The following HPSE2 variants were observed in gnomAD, a reference collection of about 807,000 sequenced individuals.
HPSE2 encodes the protein heparanase 2 (inactive), also known as inactive heparanase-2.
Under a neutral mutation model 60.5 loss-of-function variants are expected in HPSE2, and 38 were observed. That is an observed-to-expected ratio of 0.63 (90% CI 0.48 to 0.82). The LOEUF is 0.82. Ranked by LOEUF, HPSE2 falls within the 40% of genes least tolerant of loss-of-function variation. HPSE2 has a pLI of 0.00. For synonymous variants in HPSE2, 295 were observed against 293.2 expected (o/e 1.01, Z -0.06); for missense variants, 713 against 740.4 (o/e 0.96, Z 0.43).
At chr10:99,264,031 T>G in the HPSE2 span, among the ~76,000 whole-genome samples, 2 of 152,086 alleles carry the variant, frequency 1.3e-5, no homozygotes, top group South Asian at 2.1e-4. Flanking sequence ...CCCAGCTATC[T>G]CAACCACGCT....
the HPSE2 span, among the ~76,000 whole-genome samples, chr10:99,265,247 A>G: frequency 1.3e-5 from 2 of 152,170 alleles, no homozygotes; most frequent in African/African-American, 2.4e-5. Flanking sequence ...ACCCAAACCT[A>G]TAAGAACTAA....
rs78656847 is a variant in HPSE2, at chr10:98,555,453, T to C, written c.1320+59451A>G. Among the ~76,000 whole-genome samples, 1,168 of 152,316 alleles carry C rather than the reference T, an allele frequency of 7.7e-3. 8 individuals carry two copies. The highest frequency in any genetic ancestry group is 0.014 in the Non-Finnish European group (933 of 68,024). ...ATGTTTGCACACTCGGCTTGTCCTG[T>C]GGACTTGTCTAACTAAGCTCCCCTT... is the stretch of plus-strand genomic sequence containing the variant. On this transcript the variant is annotated intron_variant, in intron 9 of 11. Coordinates refer to ENST00000370552, the MANE Select transcript of HPSE2 (RefSeq NM_021828.5).
intron 3 of HPSE2, among the ~76,000 whole-genome samples, chr10:98,777,563 A>C (rs1286549730): frequency 6.6e-6 from 1 of 152,174 alleles, no homozygotes; most frequent in Non-Finnish European, 1.5e-5. Flanking sequence ...TAAACACATT[A>C]CCCTTTTAAA....
chr10:98,623,051 C>CT lies in HPSE2; in HGVS notation c.1099-2344dup, dbSNP rs372889980. 6.7e-3 allele frequency among the ~76,000 whole-genome samples: 1,013 copies of CT among 151,080 alleles called. 5 individuals carry two copies. The highest frequency in any genetic ancestry group is 0.012 in the African/African-American group (489 of 41,194). Reference sequence around the variant, plus strand: ...AGCAGAGTAATATATTTGTGTTTTTCTTTTTTTTTGTCTTTGGCTTACAGG... The same window carrying CT: ...AGCAGAGTAATATATTTGTGTTTTTCTTTTTTTTTTGTCTTTGGCTTACAGG... On this transcript the variant is annotated intron_variant, in intron 7 of 11. Transcript: ENST00000370552.
Position 99,002,724 on chromosome 10 carries a change from TTTGG to T in HPSE2, c.610+141510_610+141513del, listed in dbSNP as rs200258814. On this transcript the variant is annotated intron_variant, in intron 3 of 11. Coordinates refer to ENST00000370552, the MANE Select transcript of HPSE2 (RefSeq NM_021828.5). Reference sequence around the variant, plus strand: ...AGGTAAATATCTATAAAATATGGGCTTTGGTTAATTTTTTCAGATCAAAAAGTAT... The same window carrying T: ...AGGTAAATATCTATAAAATATGGGCTTTAATTTTTTCAGATCAAAAAGTAT... 1.4e-4 allele frequency among the ~76,000 whole-genome samples: 22 copies of T among 152,170 alleles called. No individual in the cohort carries two copies. In the East Asian group the frequency reaches 4.0e-3, roughly 28 times the overall value.
chr10:98,484,340 C>A (rs1289195448), intron 10 of HPSE2, among the ~76,000 whole-genome samples: 3 of 152,194 alleles, frequency 2.0e-5, no homozygotes, highest in Non-Finnish European at 4.4e-5. Flanking sequence ...TGCGTTCAGG[C>A]AATTCTCCTG....
chr10:98,682,013 G>A (rs1448368753), intron 6 of HPSE2, among the ~76,000 whole-genome samples: 3 of 152,116 alleles, frequency 2.0e-5, no homozygotes, highest in African/African-American at 2.4e-5. Flanking sequence ...TAATCTACCT[G>A]ACATAGTTTG....
intron 9 of HPSE2, among the ~76,000 whole-genome samples, chr10:98,588,409 CT>C (rs1460542723): frequency 6.6e-6 from 1 of 152,094 alleles, no homozygotes; most frequent in Non-Finnish European, 1.5e-5. Flanking sequence ...TGCGGGGAGA[CT>C]TTACCAACCT....
At chr10:99,044,193 G>A (rs1004379210) in intron 3 of HPSE2, among the ~76,000 whole-genome samples, 4 of 152,158 alleles carry the variant, frequency 2.6e-5, no homozygotes, top group African/African-American at 7.2e-5. Flanking sequence ...GAAATCAGGG[G>A]ACCTCTGTTT....
intron 9 of HPSE2, among the ~76,000 whole-genome samples, chr10:98,497,507 CATT>C (rs1228153238): frequency 3.3e-5 from 5 of 152,046 alleles, no homozygotes; most frequent in Non-Finnish European, 1.5e-5. Flanking sequence ...ACAGCATTTT[CATT>C]ATTATCATTT....
At chr10:98,717,766 T>G (rs530835261) in intron 5 of HPSE2, among the ~76,000 whole-genome samples, 1 of 152,206 alleles carries the variant, frequency 6.6e-6, no homozygotes, top group African/African-American at 2.4e-5. Context: ...ACGTGAAATG[T>G]TGCAAGAATT....
chr10:99,010,856 CTT>C (rs960810113), intron 3 of HPSE2, among the ~76,000 whole-genome samples: 1 of 151,174 alleles, frequency 6.6e-6, no homozygotes, highest in Non-Finnish European at 1.5e-5. Context: ...AATCATCAGT[CTT>C]TTTTTTTAAC....
chr10:99,229,174 A>G (rs1277847414), intron 2 of HPSE2, among the ~76,000 whole-genome samples: 2 of 127,126 alleles, frequency 1.6e-5, no homozygotes, highest in African/African-American at 6.6e-5. Context: ...CTCCATATCG[A>G]AAAAAAAAAA....
At chr10:99,089,396 G>T (rs1170696822) in intron 3 of HPSE2, among the ~76,000 whole-genome samples, 11 of 152,150 alleles carry the variant, frequency 7.2e-5, no homozygotes, top group Non-Finnish European at 1.2e-4. Context: ...CATGTGGCTT[G>T]CCAGTTATCA....
intron 2 of HPSE2, among the ~76,000 whole-genome samples, chr10:99,153,260 G>C (rs1268457378): frequency 6.6e-6 from 1 of 152,138 alleles, no homozygotes; most frequent in South Asian, 2.1e-4. Flanking sequence ...ACAGCTCAAG[G>C]AGACCTGCCT....
At chr10:99,053,338 G>T (rs1958032999) in intron 3 of HPSE2, among the ~76,000 whole-genome samples, 1 of 150,808 alleles carries the variant, frequency 6.6e-6, no homozygotes, top group Admixed American at 6.7e-5. Context: ...GACCCATATT[G>T]TAATCTCTAG....
At chr10:99,131,789 T>C (rs1845395859) in intron 3 of HPSE2, among the ~76,000 whole-genome samples, 1 of 152,042 alleles carries the variant, frequency 6.6e-6, no homozygotes, top group Non-Finnish European at 1.5e-5. Flanking sequence ...GTACACTGCT[T>C]GGGTGATGAG....
chr10:99,310,774 G>A, the HPSE2 span, among the ~76,000 whole-genome samples: 251 of 152,112 alleles, frequency 1.7e-3, 1 homozygote, highest in African/African-American at 5.2e-3. Flanking sequence ...CTACAAGCAC[G>A]AGCCACCACG....
At chr10:98,852,472 C>G (rs895319801) in intron 3 of HPSE2, among the ~76,000 whole-genome samples, 2 of 152,128 alleles carry the variant, frequency 1.3e-5, no homozygotes, top group African/African-American at 4.8e-5. Context: ...CTCAGCCTCC[C>G]AGGTAGCCAG....
Sources: allele counts gnomAD v4.1 joint callset (sites outside exome capture counted in the v4.1 genomes callset), GRCh38; gene constraint gnomAD v4.1.1; transcripts MANE v1.5; gene names NCBI Gene and HGNC (gene_info 2026-07-23, HGNC 2026-07-21).